NOS1: variants seen among roughly 807,000 people sequenced by gnomAD.
NOS1 encodes the protein nitric oxide synthase 1, also known as NOS type I.
Under a neutral mutation model 164.5 loss-of-function variants are expected in NOS1, and 51 were observed. That is an observed-to-expected ratio of 0.31 (90% confidence interval 0.25 to 0.39). NOS1 has a LOEUF of 0.39. Among genes scored for constraint, NOS1 ranks in the 10% least tolerant of loss-of-function variants. The pLI, the probability that NOS1 is intolerant of heterozygous loss-of-function variation, is 1.00. For missense variants in NOS1, 1,362 were observed against 1,885.6 expected, an observed-to-expected ratio of 0.72 and a Z score of 5.14; for synonymous variants, 719 against 745.8, an observed-to-expected ratio of 0.96 and a Z score of 0.59.
intron 2 of NOS1, among the ~76,000 whole-genome samples, chr12:117,321,003 A>G (rs1483553493): frequency 3.3e-5 from 5 of 151,954 alleles, no homozygotes; most frequent in Non-Finnish European, 7.4e-5. Flanking sequence ...AGATGATTGC[A>G]TGTGTCTATT....
chr12:117,361,119 G>T (rs1479970084), intron 1 of NOS1, among the ~76,000 whole-genome samples: 1 of 152,094 alleles, frequency 6.6e-6, no homozygotes, highest in Non-Finnish European at 1.5e-5. Context: ...CCTGGATCAG[G>T]AACTCACCTG....
chr12:117,259,635 C>T (rs1286191207), intron 14 of NOS1, among the ~76,000 whole-genome samples: 1 of 152,200 alleles, frequency 6.6e-6, no homozygotes, highest in Non-Finnish European at 1.5e-5. Flanking sequence ...CCCTGTGTCT[C>T]ATCATCGTCT....
chr12:117,352,129 C>T (rs1331124049), intron 1 of NOS1, among the ~76,000 whole-genome samples: 23 of 152,124 alleles, frequency 1.5e-4, no homozygotes, highest in Admixed American at 6.5e-4. Context: ...GCCATCATCA[C>T]GCCACTGCAC....
chr12:117,252,701 C>T (rs1272489795), intron 17 of NOS1, among the ~76,000 whole-genome samples: 1 of 152,210 alleles, frequency 6.6e-6, no homozygotes, highest in Non-Finnish European at 1.5e-5. Flanking sequence ...GCTCATTTTG[C>T]TGTCAACCTA....
chr12:117,240,941 C>CTTTT (rs11398507), intron 20 of NOS1, among the ~76,000 whole-genome samples: 1 of 138,976 alleles, frequency 7.2e-6, no homozygotes, highest in Non-Finnish European at 1.6e-5. Context: ...TTTTCTTTTT[C>CTTTT]TTTTTTTTTT....
At chr12:117,343,535 AT>A (rs563621592) in intron 1 of NOS1, among the ~76,000 whole-genome samples, 6 of 152,212 alleles carry the variant, frequency 3.9e-5, no homozygotes, top group Non-Finnish European at 8.8e-5. Flanking sequence ...TTGACTCTCA[AT>A]TTCCTTTTGT....
chr12:117,230,230 T>TA (rs916893560), intron 22 of NOS1, among the ~76,000 whole-genome samples: 13 of 152,216 alleles, frequency 8.5e-5, no homozygotes, highest in African/African-American at 3.1e-4. Context: ...TTAAATAAGA[T>TA]AAAAACAGTG....
At chr12:117,224,305 A>G (rs1215090560) in intron 25 of NOS1, among the ~76,000 whole-genome samples, 4 of 151,906 alleles carry the variant, frequency 2.6e-5, no homozygotes, top group Non-Finnish European at 5.9e-5. Context: ...TTTTTTTCTC[A>G]GACGGAGTCT....
chr12:117,319,508 T>G (rs1475367434), intron 2 of NOS1, among the ~76,000 whole-genome samples: 25 of 152,162 alleles, frequency 1.6e-4, no homozygotes, highest in Non-Finnish European at 2.9e-5. Flanking sequence ...GACAGGCTAG[T>G]GAGGTCAATG....
rs57047376 is a variant in NOS1, at chr12:117,256,284, G to GTTTTTTTTTTTTTTTTT, written c.2531+2112_2531+2113insAAAAAAAAAAAAAAAAA. 3.7e-3 allele frequency among the ~76,000 whole-genome samples: 432 copies of GTTTTTTTTTTTTTTTTT among 118,290 alleles called. 23 individuals are homozygous for GTTTTTTTTTTTTTTTTT. The highest frequency in any genetic ancestry group is 7.4e-3 in the Admixed American group (74 of 9,948). 77.6% of individuals were successfully genotyped at this position (118,290 alleles called of 152,430 possible). A position where few individuals can be genotyped will look rare whatever the true frequency, so the allele number is the denominator to read the frequency against. The stretch of plus-strand genomic sequence containing the variant: ...CAAAGAAAATCAGAAGGGATTTTCT[G>GTTTTTTTTTTTTTTTTT]TTTTTTTTTTTTGAGACGGAGTCTC... On this transcript the variant is annotated intron_variant, in intron 16 of 28. Coordinates refer to ENST00000317775, the MANE Select transcript of NOS1 (RefSeq NM_000620.5).
chr12:117,242,755 T>C, intron 19 of NOS1, 50 bp from the exon 20 acceptor site: 1 of 1,557,542 alleles, frequency 6.4e-7, no homozygotes, highest in Non-Finnish European at 8.9e-7. Context: ...GAATGTTCCA[T>C]TAAAAACTCC....
At chr12:117,218,693 T>C (rs964771216) in intron 27 of NOS1, among the ~76,000 whole-genome samples, 3 of 152,054 alleles carry the variant, frequency 2.0e-5, no homozygotes, top group Non-Finnish European at 4.4e-5. Context: ...TTGCTCAACA[T>C]TGCCCAGAAA....
intron 4 of NOS1, among the ~76,000 whole-genome samples, chr12:117,288,819 C>A (rs1872868537): frequency 6.6e-6 from 1 of 152,122 alleles, no homozygotes; most frequent in Admixed American, 6.6e-5. Flanking sequence ...TGTGAACAAG[C>A]CCAAGCTAGC....
chr12:117,315,380 T>A (rs1026424722), intron 2 of NOS1, among the ~76,000 whole-genome samples: 6 of 151,990 alleles, frequency 3.9e-5, no homozygotes, highest in African/African-American at 1.5e-4. Flanking sequence ...ATTTTTAAAA[T>A]TTTTTTTATT....
chr12:117,230,832 T>C (rs978774306), intron 22 of NOS1, among the ~76,000 whole-genome samples: 2 of 152,148 alleles, frequency 1.3e-5, no homozygotes, highest in African/African-American at 4.8e-5. Context: ...CTGGAGGACA[T>C]CATGTTAAGT....
At chr12:117,320,924 C>T (rs1362336771) in intron 2 of NOS1, among the ~76,000 whole-genome samples, 5 of 152,176 alleles carry the variant, frequency 3.3e-5, no homozygotes, top group Non-Finnish European at 7.3e-5. Flanking sequence ...ATCTAATGCT[C>T]TACCAAACCC....
In NOS1 at chr12:117,266,435, A is replaced by C. The variant is rs191320197; in HGVS notation, c.1942-925T>G. ...CATCCAGGTTGCTGCGAATGCCATG[A>C]ATTCGGTTGGTTCCACATTTTTAGC... On this transcript the variant is annotated intron_variant, in intron 11 of 28. Coordinates refer to ENST00000317775, the MANE Select transcript of NOS1 (RefSeq NM_000620.5). Among the ~76,000 whole-genome samples the C allele has an allele frequency of 1.4e-3, 207 of 152,236 alleles. 1 individual carries two copies. The highest frequency in any genetic ancestry group is 4.6e-3 in the African/African-American group (190 of 41,536).
chr12:117,254,091 C>T (rs917132918), intron 16 of NOS1, among the ~76,000 whole-genome samples: 20 of 152,140 alleles, frequency 1.3e-4, no homozygotes, highest in Admixed American at 6.5e-4. Flanking sequence ...AGACCATGCT[C>T]CCTTGTTTCT....
chr12:117,219,734 C>A (rs7967328), intron 27 of NOS1, among the ~76,000 whole-genome samples: 2 of 152,150 alleles, frequency 1.3e-5, no homozygotes, highest in Non-Finnish European at 2.9e-5. Flanking sequence ...TTGTGCAGTG[C>A]CCAACCTGCA....
Sources: gnomAD v4.1 joint callset for allele counts (sites outside exome capture counted in the v4.1 genomes callset) on GRCh38, gnomAD v4.1.1 for gene constraint, MANE v1.5 for transcripts, NCBI Gene and HGNC (gene_info 2026-07-23, HGNC 2026-07-21) for gene names.